The following ANKS1B variants were observed in gnomAD, a reference collection of about 807,000 sequenced individuals.
ANKS1B encodes the protein ankyrin repeat and sterile alpha motif domain containing 1B, also known as ankyrin repeat and sterile alpha motif domain-containing protein 1B.
ANKS1B carries 36 observed loss-of-function variants against 148.3 expected under a neutral mutation model. That is an observed-to-expected ratio of 0.24 (90% CI 0.19 to 0.32). ANKS1B has a LOEUF of 0.32. Ranked by LOEUF, ANKS1B falls within the 10% of genes least tolerant of loss-of-function variation. The pLI is 1.00. For synonymous variants in ANKS1B, 542 were observed against 560.8 expected, an observed-to-expected ratio of 0.97 and a Z score of 0.47; for missense variants, 1,157 against 1,542.6, an observed-to-expected ratio of 0.75 and a Z score of 4.19.
At chr12:98,760,312 T>C (rs902807142) in intron 25 of ANKS1B, among the ~76,000 whole-genome samples, 1 of 152,148 alleles carries the variant, frequency 6.6e-6, no homozygotes, top group Admixed American at 6.6e-5. Flanking sequence ...TTGTCCAGGC[T>C]GGAGTGCAGT....
chr12:99,375,339 A>T (rs960405647), intron 12 of ANKS1B, among the ~76,000 whole-genome samples: 4 of 152,296 alleles, frequency 2.6e-5, no homozygotes, highest in Admixed American at 2.6e-4. Context: ...CCACTGGTGT[A>T]TATCATTGCT....
chr12:99,251,030 C>T (rs928762606), intron 12 of ANKS1B, among the ~76,000 whole-genome samples: 2 of 152,156 alleles, frequency 1.3e-5, no homozygotes, highest in African/African-American at 4.8e-5. Context: ...TGGGTCCTCA[C>T]ATGGTGGAGG....
intron 8 of ANKS1B, among the ~76,000 whole-genome samples, chr12:99,702,413 T>G (rs1355233303): frequency 1.3e-5 from 2 of 152,130 alleles, no homozygotes; most frequent in African/African-American, 4.8e-5. Flanking sequence ...GTTGAGTTGT[T>G]TGAGTTCCTT....
chr12:99,731,413 CGTGTGTGTGTGTGTGTGTGTGT>C lies in ANKS1B; in HGVS notation c.1128+41487_1128+41508del, dbSNP rs71088145. On this transcript the variant is annotated intron_variant, in intron 8 of 26. Coordinates refer to ENST00000683438, the MANE Select transcript of ANKS1B (RefSeq NM_001352186.2). ...GGATTATAGGCGTGAACCACCGTGC[CGTGTGTGTGTGTGTGTGTGTGT>C]GTGTGTGTGTGTGTGTGTGTGTGTT... 5.6e-5 allele frequency among the ~76,000 whole-genome samples: 8 copies of C among 143,836 alleles called. No individual in the cohort carries two copies. In the South Asian group the frequency reaches 6.8e-4, roughly 12 times the overall value. The allele number at this position is 143,836 out of a possible 152,430, so 94.4% of individuals were successfully genotyped here.
chr12:99,919,215 A>G (rs2094271558), intron 1 of ANKS1B, among the ~76,000 whole-genome samples: 1 of 152,174 alleles, frequency 6.6e-6, no homozygotes. Flanking sequence ...TTCTGGAGTC[A>G]GACAATCCCA....
intron 9 of ANKS1B, among the ~76,000 whole-genome samples, chr12:99,653,406 A>G (rs2098434643): frequency 6.6e-6 from 1 of 152,190 alleles, no homozygotes; most frequent in African/African-American, 2.4e-5. Context: ...ATAGGTTAAA[A>G]CATTTAATTA....
intron 16 of ANKS1B, among the ~76,000 whole-genome samples, chr12:99,057,559 A>T (rs1250068997): frequency 6.6e-6 from 1 of 152,166 alleles, no homozygotes; most frequent in Non-Finnish European, 1.5e-5. Flanking sequence ...TTAGAAACAT[A>T]TCTAACGAGG....
chr12:98,810,693 G>A (rs886818477), intron 19 of ANKS1B, among the ~76,000 whole-genome samples: 7 of 152,212 alleles, frequency 4.6e-5, no homozygotes. Flanking sequence ...GTTTTAGGTT[G>A]TTTTGGTTAC....
intron 12 of ANKS1B, among the ~76,000 whole-genome samples, chr12:99,276,841 A>G (rs896962966): frequency 6.6e-6 from 1 of 152,214 alleles, no homozygotes; most frequent in African/African-American, 2.4e-5. Flanking sequence ...CAGTCAGTAG[A>G]GAAAGGTGAA....
chr12:99,319,935 T>G (rs1482665922), intron 12 of ANKS1B, among the ~76,000 whole-genome samples: 1 of 152,224 alleles, frequency 6.6e-6, no homozygotes, highest in East Asian at 1.9e-4. Context: ...GGATTTTATT[T>G]ATCCTTCACT....
chr12:99,452,100 G>A (rs1265893056), intron 10 of ANKS1B, among the ~76,000 whole-genome samples: 3 of 152,074 alleles, frequency 2.0e-5, no homozygotes, highest in Non-Finnish European at 4.4e-5. Flanking sequence ...GGTAAATATT[G>A]TAAGCTCTGT....
At chr12:98,869,593 T>A (rs529917271) in intron 17 of ANKS1B, among the ~76,000 whole-genome samples, 158 of 152,182 alleles carry the variant, frequency 1.0e-3, no homozygotes, top group African/African-American at 3.6e-3. Flanking sequence ...ACAACTGTCT[T>A]CAGTAGCCAT....
downstream of ANKS1B, among the ~76,000 whole-genome samples, chr12:98,743,732 T>C (rs1384164426): frequency 6.6e-6 from 1 of 152,236 alleles, no homozygotes; most frequent in African/African-American, 2.4e-5. Flanking sequence ...GTTTTGACAA[T>C]TCCTCCTTAC....
chr12:99,812,144 G>C lies in ANKS1B; in HGVS notation c.372+11C>G, dbSNP rs2068458259. On this transcript the variant is annotated intron_variant, in intron 3 of 26. Coordinates refer to ENST00000683438, the MANE Select transcript of ANKS1B (RefSeq NM_001352186.2). ...AAAATTACATCATGAGCAAACATTTGGCAAGTGCACCTGTTCATTGACCCT... is the reference window on the plus strand; with the variant it reads ...AAAATTACATCATGAGCAAACATTTCGCAAGTGCACCTGTTCATTGACCCT... 4.4e-6 allele frequency: 7 copies of C among 1,601,220 alleles called. No homozygotes were observed. The highest frequency in any genetic ancestry group is 3.4e-5 in the Admixed American group (2 of 58,804).
intron 16 of ANKS1B, among the ~76,000 whole-genome samples, chr12:99,058,391 G>A (rs1222075987): frequency 1.3e-5 from 2 of 151,748 alleles, no homozygotes; most frequent in Admixed American, 1.3e-4. Context: ...CCACAGGTGT[G>A]CACCACTACA....
intron 3 of ANKS1B, 57 bp downstream of exon 3, chr12:99,812,098 G>T: frequency 6.4e-7 from 1 of 1,561,142 alleles, no homozygotes. Context: ...TTTCAATATG[G>T]CTTTGCCTTG....
chr12:99,307,594 C>A (rs1309272574), intron 12 of ANKS1B, among the ~76,000 whole-genome samples: 1 of 151,790 alleles, frequency 6.6e-6, no homozygotes, highest in African/African-American at 2.4e-5. Context: ...AAGGAAGAGG[C>A]AAAGAAGTTT....
chr12:99,362,484 T>A (rs566018471), intron 12 of ANKS1B, among the ~76,000 whole-genome samples: 2 of 152,004 alleles, frequency 1.3e-5, no homozygotes, highest in South Asian at 4.1e-4. Context: ...AAATTCTTCA[T>A]GTTAAAGTGT....
chr12:99,854,849 A>C (rs932224824), intron 1 of ANKS1B, among the ~76,000 whole-genome samples: 4 of 152,204 alleles, frequency 2.6e-5, no homozygotes, highest in African/African-American at 4.8e-5. Context: ...ACAAACACTG[A>C]GAGAATTCAC....
Sources: allele counts gnomAD v4.1 joint callset (sites outside exome capture counted in the v4.1 genomes callset), GRCh38; gene constraint gnomAD v4.1.1; transcripts MANE v1.5; gene names NCBI Gene and HGNC (gene_info 2026-07-23, HGNC 2026-07-21).